Variants in TDRD9 observed in about 807,000 individuals in gnomAD.
TDRD9 encodes ATP-dependent RNA helicase TDRD9.
TDRD9 carries 124 observed loss-of-function variants against 172.6 expected under a neutral mutation model. That is an observed-to-expected ratio of 0.72 (90% CI 0.62 to 0.83). The LOEUF is 0.83. Ranked by LOEUF, TDRD9 falls within the 40% of genes least tolerant of loss-of-function variation. The pLI is 0.00. For synonymous variants in TDRD9, 619 were observed against 617.1 expected (o/e 1.00, Z -0.05); for missense variants, 1,479 against 1,714.1 (o/e 0.86, Z 2.42).
intron 1 of TDRD9, among the ~76,000 whole-genome samples, chr14:103,946,705 A>G (rs1259508362): frequency 6.6e-6 from 1 of 152,250 alleles, no homozygotes; most frequent in Non-Finnish European, 1.5e-5. Context: ...GCAAAGTAGC[A>G]GTCTACAAAG....
At chr14:103,967,304 A>G (rs2032790671) in intron 5 of TDRD9, among the ~76,000 whole-genome samples, 1 of 132,020 alleles carries the variant, frequency 7.6e-6, no homozygotes, top group Non-Finnish European at 1.6e-5. Flanking sequence ...GGAGTTCGAG[A>G]CCAACCTGGC....
rs1207515525 is a variant in TDRD9, at chr14:103,938,435, TATATA to T, written c.215+9712_215+9716del. Reference sequence around the variant, plus strand: ...GTGTGTATATATATATATATATATATATATATTTTTTTTTTTTTTTTGAGATGGTG... The same window carrying T: ...GTGTGTATATATATATATATATATATTTTTTTTTTTTTTTTTGAGATGGTG... On this transcript the variant is annotated intron_variant, in intron 1 of 35. Transcript: ENST00000409874. Among the ~76,000 whole-genome samples, 281 of 56,618 alleles carry T rather than the reference TATATA, an allele frequency of 5.0e-3. 19 individuals are homozygous for T. The highest frequency in any genetic ancestry group is 0.018 in the African/African-American group (264 of 14,662). The allele number at this position is 56,618 out of a possible 152,430, so 37.1% of individuals were successfully genotyped here.
In TDRD9 at chr14:103,962,572, T is replaced by C. The variant is rs1006174981; in HGVS notation, c.323-507T>C. 3.3e-5 allele frequency among the ~76,000 whole-genome samples: 5 copies of C among 152,358 alleles called. No individual in the cohort carries two copies. The East Asian group carries it at 9.6e-4, about 29-fold the overall frequency. On this transcript the variant is annotated intron_variant, in intron 2 of 35. Coordinates refer to ENST00000409874, the MANE Select transcript of TDRD9 (RefSeq NM_153046.3). ...GTGATGCTGAGGTTTGGGCTTCCACTGATCCCATCACCTGTATAGTGAACA... is the reference window on the plus strand; with the variant it reads ...GTGATGCTGAGGTTTGGGCTTCCACCGATCCCATCACCTGTATAGTGAACA...
chr14:104,022,588 A>G (rs770334653), intron 24 of TDRD9, among the ~76,000 whole-genome samples: 5 of 152,114 alleles, frequency 3.3e-5, no homozygotes, highest in Non-Finnish European at 5.9e-5. Flanking sequence ...TTAGCCGGGC[A>G]TGGTCGCACA....
chr14:104,007,394 C>T (rs1442113489), intron 19 of TDRD9, among the ~76,000 whole-genome samples, 190 bp downstream of exon 19: 1 of 152,196 alleles, frequency 6.6e-6, no homozygotes, highest in African/African-American at 2.4e-5. Context: ...CCTTTTGCTT[C>T]CATCGCTTCT....
At position 104,005,386 on chromosome 14, in the gene TDRD9, C is replaced by T; in HGVS notation, c.1694C>T (p.Thr565Ile). The change falls in exon 15 of 36, where the codon ACC becomes ATC. Residue 565 changes from threonine to isoleucine, a missense_variant. Transcript: ENST00000409874. ...SPPGLSDIER[T>I]ILLLKEVGAL... The stretch of plus-strand genomic sequence containing the variant: ...CCTGGTCTGAGTGACATTGAGCGCA[C>T]CATCCTTCTACTAAAGGAGGTAGGA... 2 of 1,613,948 alleles carry T rather than the reference C, an allele frequency of 1.2e-6. No homozygotes were observed. The highest frequency in any genetic ancestry group is 1.7e-6 in the Non-Finnish European group (2 of 1,179,886).
chr14:103,955,867 C>G, intron 2 of TDRD9, 97 bp downstream of exon 2: 1 of 1,050,172 alleles, frequency 9.5e-7, no homozygotes, highest in Non-Finnish European at 1.4e-6. Flanking sequence ...TCCAGCTACT[C>G]AGGAGGCTGA....
At chr14:103,929,043 G>A (rs1265912182) in intron 1 of TDRD9, 1 of 161,824 alleles carries the variant, frequency 6.2e-6, no homozygotes, top group Non-Finnish European at 1.3e-5. Flanking sequence ...CCCTCCCAGA[G>A]TTTCCCCTGT....
rs543290806 is a variant in TDRD9 at position 104,014,558 on chromosome 14, G to A, written c.2107-167G>A. Among the ~76,000 whole-genome samples the A allele has an allele frequency of 2.0e-5, 3 of 152,246 alleles. No individual in the cohort carries two copies. In the East Asian group the frequency reaches 5.8e-4, roughly 29 times the overall value. ...GGCCTCCCAAAGTGCTGGGATTAGAGGTGTGAGTCACCGTGCACAGCCAAA... is the reference window on the plus strand; with the variant it reads ...GGCCTCCCAAAGTGCTGGGATTAGAAGTGTGAGTCACCGTGCACAGCCAAA... On this transcript the variant is annotated intron_variant, in intron 20 of 35. Coordinates refer to ENST00000409874, the MANE Select transcript of TDRD9 (RefSeq NM_153046.3).
intron 32 of TDRD9, among the ~76,000 whole-genome samples, chr14:104,037,352 C>G (rs2035482008): frequency 6.6e-6 from 1 of 152,164 alleles, no homozygotes; most frequent in African/African-American, 2.4e-5. Flanking sequence ...GTCTCCTGTT[C>G]GGGTGGCGTC....
chr14:103,933,237 T>C (rs1161156161), intron 1 of TDRD9, among the ~76,000 whole-genome samples: 4 of 152,238 alleles, frequency 2.6e-5, no homozygotes, highest in African/African-American at 9.6e-5. Flanking sequence ...ATATACCATT[T>C]TGAGCATTCT....
At chr14:103,935,497 C>T (rs2030698877) in intron 1 of TDRD9, among the ~76,000 whole-genome samples, 1 of 152,108 alleles carries the variant, frequency 6.6e-6, no homozygotes, top group African/African-American at 2.4e-5. Flanking sequence ...TGGGGGGATA[C>T]CAGGATTGAT....
chr14:103,989,624 A>G (rs1167009121), intron 8 of TDRD9, among the ~76,000 whole-genome samples: 1 of 152,220 alleles, frequency 6.6e-6, no homozygotes, highest in Admixed American at 6.5e-5. Flanking sequence ...GATGGAATCA[A>G]CCTGTCATCA....
intron 1 of TDRD9, among the ~76,000 whole-genome samples, chr14:103,934,971 G>C (rs564786174): frequency 2.4e-4 from 37 of 152,234 alleles, no homozygotes; most frequent in Non-Finnish European, 2.8e-4. Context: ...GGGTAAAGCA[G>C]TTGATGCTCC....
At chr14:103,971,189 T>C (rs549633812) in intron 6 of TDRD9, among the ~76,000 whole-genome samples, 2 of 151,806 alleles carry the variant, frequency 1.3e-5, no homozygotes, top group African/African-American at 4.8e-5. Context: ...TTCATCGTGT[T>C]AGCCAGGATG....
chr14:104,035,305 A>G (rs141224041), intron 32 of TDRD9, among the ~76,000 whole-genome samples: 1 of 152,266 alleles, frequency 6.6e-6, no homozygotes, highest in Non-Finnish European at 1.5e-5. Context: ...AAAGGGGTAA[A>G]ATAAATTAAA....
intron 34 of TDRD9, 54 bp downstream of exon 34, chr14:104,042,241 G>A (rs1184608412): frequency 2.4e-6 from 3 of 1,231,666 alleles, no homozygotes; most frequent in Admixed American, 3.5e-5. Context: ...TTTCTCAGCT[G>A]CCTTGATCAT....
intron 34 of TDRD9, among the ~76,000 whole-genome samples, chr14:104,045,382 CATTT>C (rs1387871030): frequency 9.4e-6 from 1 of 106,712 alleles, no homozygotes; most frequent in Non-Finnish European, 1.9e-5. Flanking sequence ...CTTAGCCAGT[CATTT>C]ATCCTTTTTT....
intron 6 of TDRD9, among the ~76,000 whole-genome samples, chr14:103,972,741 TTC>T (rs2152160461): frequency 6.6e-6 from 1 of 152,364 alleles, no homozygotes; most frequent in South Asian, 2.1e-4. Flanking sequence ...ACATTTCTCT[TTC>T]TCTTTCCCAT....
Sources: allele counts gnomAD v4.1 joint callset (sites outside exome capture counted in the v4.1 genomes callset), GRCh38; gene constraint gnomAD v4.1.1; transcripts MANE v1.5; gene names NCBI Gene and HGNC (gene_info 2026-07-23, HGNC 2026-07-21).